The following EP300 variants were observed in gnomAD, a reference collection of about 807,000 sequenced individuals.
EP300 encodes the protein EP300 lysine acetyltransferase, also known as histone acetyltransferase p300.
In EP300, 31 loss-of-function variants were observed where a neutral mutation model predicts 264.0. The observed-to-expected ratio is 0.12, with a 90% CI of 0.09 to 0.16. EP300 has a LOEUF of 0.16. EP300 is among the 10% of genes least tolerant of loss of function. EP300 has a pLI of 1.00. For synonymous variants in EP300, 1,340 were observed against 1,045.4 expected, an observed-to-expected ratio of 1.28 and a Z score of -5.44; for missense variants, 2,766 against 3,052.9, an observed-to-expected ratio of 0.91 and a Z score of 2.21.
chr22:41,138,799 AT>A (rs1480125319), intron 8 of EP300, among the ~76,000 whole-genome samples: 2 of 152,062 alleles, frequency 1.3e-5, no homozygotes, highest in South Asian at 4.1e-4. Context: ...CTGTATCCAT[AT>A]TTTTTAATTG....
At chr22:41,094,728 G>A (rs190367527) in intron 1 of EP300, among the ~76,000 whole-genome samples, 45 of 152,204 alleles carry the variant, frequency 3.0e-4, no homozygotes, top group African/African-American at 9.4e-4. Flanking sequence ...TGTGTAATGT[G>A]GTAGTTTTTG....
chr22:41,110,080 A>T (rs1369825132), intron 1 of EP300, among the ~76,000 whole-genome samples: 2 of 136,710 alleles, frequency 1.5e-5, no homozygotes, highest in Non-Finnish European at 3.1e-5. Context: ...AAGTGCTGGG[A>T]TTACAGGTGT....
intron 23 of EP300, among the ~76,000 whole-genome samples, chr22:41,167,322 C>T (rs910736129): frequency 1.3e-5 from 2 of 152,006 alleles, no homozygotes; most frequent in Middle Eastern, 3.4e-3. Flanking sequence ...TTTATATGGG[C>T]TACCTTTTGG....
At chr22:41,133,152 T>TCTCC (rs2058930261) in intron 6 of EP300, among the ~76,000 whole-genome samples, 1 of 65,062 alleles carries the variant, frequency 1.5e-5, no homozygotes, top group Non-Finnish European at 3.4e-5. Context: ...CCTAAGATTA[T>TCTCC]CCCCCCCCCC....
intron 29 of EP300, among the ~76,000 whole-genome samples, chr22:41,175,056 G>A (rs1555911896): frequency 6.6e-6 from 1 of 151,890 alleles, no homozygotes; most frequent in Non-Finnish European, 1.5e-5. Flanking sequence ...GTTCTAATAC[G>A]TTAGGTAATG....
chr22:41,131,312 GT>G, intron 5 of EP300, 75 bp from the exon 6 acceptor site: 1 of 1,494,456 alleles, frequency 6.7e-7, no homozygotes, highest in East Asian at 2.3e-5. Context: ...ATTTTGTGGG[GT>G]TTTTTATTAG....
intron 1 of EP300, among the ~76,000 whole-genome samples, chr22:41,114,076 C>G (rs1227266561): frequency 1.3e-5 from 2 of 151,940 alleles, no homozygotes; most frequent in African/African-American, 2.4e-5. Context: ...TTGTAAATCA[C>G]GTAAGTATAA....
chr22:41,164,196 T>C, intron 22 of EP300, 66 bp downstream of exon 22: 1 of 1,353,480 alleles, frequency 7.4e-7, no homozygotes, highest in Non-Finnish European at 1.1e-6. Flanking sequence ...AAGTTTTTTA[T>C]TCTATGCAAT....
At chr22:41,096,665 C>G (rs1272281351) in intron 1 of EP300, among the ~76,000 whole-genome samples, 3 of 139,170 alleles carry the variant, frequency 2.2e-5, no homozygotes, top group Non-Finnish European at 4.5e-5. Context: ...GTTGCCCAGG[C>G]TGGAGTGCAG....
chr22:41,102,683 T>C (rs912075270), intron 1 of EP300, among the ~76,000 whole-genome samples: 1 of 152,036 alleles, frequency 6.6e-6, no homozygotes, highest in South Asian at 2.1e-4. Flanking sequence ...AACAGCTGTT[T>C]TAGGGTTCCA....
At chr22:41,108,577 A>G (rs2058771415) in intron 1 of EP300, among the ~76,000 whole-genome samples, 1 of 152,066 alleles carries the variant, frequency 6.6e-6, no homozygotes, top group Non-Finnish European at 1.5e-5. Flanking sequence ...TCAGATTTAT[A>G]TGTGTCCTGT....
intron 10 of EP300, among the ~76,000 whole-genome samples, chr22:41,141,731 C>T (rs1432670317): frequency 6.6e-6 from 1 of 150,536 alleles, no homozygotes; most frequent in Non-Finnish European, 1.5e-5. Flanking sequence ...GGCTGGAGTA[C>T]GGTGGCATGA....
At chr22:41,152,134 A>G in intron 15 of EP300, 72 bp from the exon 16 acceptor site, 1 of 1,589,564 alleles carries the variant, frequency 6.3e-7, no homozygotes, top group Non-Finnish European at 8.6e-7. Context: ...TTTGCATGAG[A>G]AAGGGTGTTC....
At chr22:41,119,736 T>C (rs1469919154) in intron 2 of EP300, among the ~76,000 whole-genome samples, 3 of 152,116 alleles carry the variant, frequency 2.0e-5, no homozygotes. Flanking sequence ...AAAACAAAAA[T>C]CCCTGTCCTT....
intron 2 of EP300, among the ~76,000 whole-genome samples, chr22:41,120,066 G>A (rs2058843802): frequency 1.3e-5 from 2 of 151,968 alleles, no homozygotes; most frequent in Admixed American, 1.3e-4. Context: ...TGCCCACCTC[G>A]GCCTCCCAAA....
chr22:41,136,807 C>T (rs2058953507), intron 7 of EP300, among the ~76,000 whole-genome samples: 1 of 152,066 alleles, frequency 6.6e-6, no homozygotes, highest in East Asian at 1.9e-4. Flanking sequence ...CCCCTGTAAT[C>T]CCAGCACTTT....
intron 12 of EP300, 30 bp from the exon 13 acceptor site, chr22:41,149,008 T>G (rs749305135): frequency 6.2e-7 from 1 of 1,613,214 alleles, no homozygotes; most frequent in Non-Finnish European, 8.5e-7. Context: ...ATGAAGCAGT[T>G]TGGTGATTTG....
chr22:41,134,655 A>G (rs1176792469), intron 6 of EP300, among the ~76,000 whole-genome samples: 1 of 152,008 alleles, frequency 6.6e-6, no homozygotes, highest in African/African-American at 2.4e-5. Context: ...CGACCTCCCA[A>G]AGCAGTTTGT....
In EP300 at chr22:41,179,104, T is replaced by A; in HGVS notation, c.*148T>A. On this transcript the variant is annotated 3_prime_UTR_variant, in exon 31 of 31. Coordinates refer to ENST00000263253, the MANE Select transcript of EP300 (RefSeq NM_001429.4). Reference sequence around the variant, plus strand: ...AACTGTGCAGTAGCCGTTTGTGGTTTAAAGCAAACATGCAAGATGAACCTG... The same window carrying A: ...AACTGTGCAGTAGCCGTTTGTGGTTAAAAGCAAACATGCAAGATGAACCTG... 2 of 856,680 alleles carry A rather than the reference T, an allele frequency of 2.3e-6. No homozygotes were observed. Among genetic ancestry groups the A allele is most frequent in the Non-Finnish European group, 3.6e-6 (2 of 560,384 alleles). The allele number at this position is 856,680 out of a possible 1,614,324, so 53.1% of individuals were successfully genotyped here. A position where few individuals can be genotyped will look rare whatever the true frequency, so the allele number is the denominator to read the frequency against.
Sources: gnomAD v4.1 joint callset for allele counts (sites outside exome capture counted in the v4.1 genomes callset) on GRCh38, gnomAD v4.1.1 for gene constraint, MANE v1.5 for transcripts, NCBI Gene and HGNC (gene_info 2026-07-23, HGNC 2026-07-21) for gene names.